LRCH3: variants seen among roughly 807,000 people sequenced by gnomAD.
The protein encoded by LRCH3 is leucine rich repeats and calponin homology domain containing 3.
In LRCH3, 68 loss-of-function variants were observed where a neutral mutation model predicts 104.5. The ratio of observed to expected loss-of-function variants is 0.65; its 90% confidence interval spans 0.54 to 0.80. LRCH3 has a LOEUF of 0.80. Ranked by LOEUF, LRCH3 falls within the 30% of genes least tolerant of loss-of-function variation. The probability of loss-of-function intolerance (pLI) is 0.00; values close to 1 mark genes in which losing one functional copy is unlikely to be tolerated. For missense variants in LRCH3, 951 were observed against 953.9 expected (o/e 1.00, Z 0.04); for synonymous variants, 344 against 361.3 (o/e 0.95, Z 0.54).
chr3:197,791,458 G>A lies in LRCH3; in HGVS notation c.180G>A (p.Gly60=), dbSNP rs561675482. The A allele has an allele frequency of 1.4e-4, 219 of 1,600,300 alleles. No individual in the cohort carries two copies. The highest frequency in any genetic ancestry group is 1.7e-4 in the Non-Finnish European group (199 of 1,174,756). ...CCCTGGAGGAGGCGGCGGTCACTGGGGTGCTGAGCCTGAGCGGCCGGAAAC... is the reference window on the plus strand; with the variant it reads ...CCCTGGAGGAGGCGGCGGTCACTGGAGTGCTGAGCCTGAGCGGCCGGAAAC... ...DRALEEAAVT[G]VLSLSGRKLR... is the part of the protein sequence containing the mutation. Residue 60 remains glycine, a synonymous_variant, in exon 1 of 21, where the codon GGG becomes GGA. Coordinates refer to ENST00000425562, the MANE Select transcript of LRCH3 (RefSeq NM_001365715.1).
In LRCH3 at chr3:197,885,863, T is replaced by C. The variant is rs1467860232; in HGVS notation, c.*2197T>C. The stretch of plus-strand genomic sequence containing the variant: ...TTGTTTCTGTAGTTGTTAACTGTTC[T>C]GGATTTTCTTTACAATGCATCCATT... On this transcript the variant is annotated 3_prime_UTR_variant, in exon 21 of 21. Coordinates refer to ENST00000425562, the MANE Select transcript of LRCH3 (RefSeq NM_001365715.1). 1 of 152,274 alleles carries C rather than the reference T, an allele frequency of 6.6e-6. No individual in the cohort carries two copies. The highest frequency in any genetic ancestry group is 6.5e-5 in the Admixed American group (1 of 15,290). The allele number at this position is 152,274 out of a possible 1,614,324, so 9.4% of individuals were successfully genotyped here.
rs190979071 is a variant in LRCH3, at chr3:197,860,482, A to G, written c.1716+1577A>G. ...TGTTGGTAGCCCGAGGGGGAATACA[A>G]TTGAGGCCAGGAACTCAAGACTGCA... On this transcript the variant is annotated intron_variant, in intron 15 of 20. Transcript: ENST00000425562. Among the ~76,000 whole-genome samples, 19 of 152,282 alleles carry G rather than the reference A, an allele frequency of 1.2e-4. No individual in the cohort carries two copies. The South Asian group carries it at 1.7e-3, about 13-fold the overall frequency.
chr3:197,806,614 C>A (rs1053931704), intron 1 of LRCH3, among the ~76,000 whole-genome samples: 1 of 151,790 alleles, frequency 6.6e-6, no homozygotes, highest in Non-Finnish European at 1.5e-5. Flanking sequence ...CATGGTGGCT[C>A]ACTCCTGTAA....
intron 13 of LRCH3, among the ~76,000 whole-genome samples, chr3:197,853,435 G>A (rs1014858999): frequency 6.6e-6 from 1 of 152,022 alleles, no homozygotes; most frequent in Admixed American, 6.6e-5. Context: ...TAATCCACCT[G>A]CCTCGGCCTC....
intron 4 of LRCH3, among the ~76,000 whole-genome samples, chr3:197,821,509 A>G (rs1215123646): frequency 6.6e-6 from 1 of 152,198 alleles, no homozygotes; most frequent in African/African-American, 2.4e-5. Flanking sequence ...TCTTGTCTCA[A>G]CTGTGCTCTC....
rs367558072 is a variant in LRCH3, at chr3:197,839,292, A to C, written c.1252-29A>C. ...CGCAGTGTTCTGGATTAATATACTA[A>C]ATTTATTTATTTCTGTCCTCTGGCC... On this transcript the variant is annotated intron_variant, in intron 9 of 20. Coordinates refer to ENST00000425562, the MANE Select transcript of LRCH3 (RefSeq NM_001365715.1). 3.2e-5 allele frequency: 48 copies of C among 1,494,176 alleles called. No homozygotes were observed. The African/African-American group carries it at 4.9e-4, about 15-fold the overall frequency. 92.6% of individuals were successfully genotyped at this position (1,494,176 alleles called of 1,614,324 possible).
intron 7 of LRCH3, among the ~76,000 whole-genome samples, chr3:197,831,642 T>G (rs1019117595): frequency 1.3e-5 from 2 of 152,148 alleles, no homozygotes; most frequent in Non-Finnish European, 2.9e-5. Flanking sequence ...TATGGAGTCA[T>G]GAATCTTTTA....
chr3:197,810,892 T>C lies in LRCH3; in HGVS notation c.263-4016T>C, dbSNP rs899254818. On this transcript the variant is annotated intron_variant, in intron 1 of 20. Transcript: ENST00000425562. This position sits in a 1 kb window ranked among gnomAD's most constrained non-coding sequence, Gnocchi z 4.0. ...GTCAGGTTAAAAAAAATAAGACTTT[T>C]GAATGAAAAGCATTAGAAAAACTAT... Among the ~76,000 whole-genome samples the C allele has an allele frequency of 2.7e-4, 41 of 152,218 alleles. No homozygotes were observed. The highest frequency in any genetic ancestry group is 9.9e-4 in the African/African-American group (41 of 41,456).
rs138642195 is a variant in LRCH3, at chr3:197,834,923, C to T, written c.1103-751C>T. Among the ~76,000 whole-genome samples the T allele has an allele frequency of 2.0e-3, 305 of 152,234 alleles. 1 individual carries two copies. The highest frequency in any genetic ancestry group is 5.5e-3 in the African/African-American group (229 of 41,554). On this transcript the variant is annotated intron_variant, in intron 8 of 20. Coordinates refer to ENST00000425562, the MANE Select transcript of LRCH3 (RefSeq NM_001365715.1). ...CTTTGGGTGGCCACAGTGGGCGGAT[C>T]GCTTGAGCCCAGGAGTTGGAGACCA...
chr3:197,870,725 T>C (rs948837712), intron 18 of LRCH3, among the ~76,000 whole-genome samples: 1 of 151,466 alleles, frequency 6.6e-6, no homozygotes, highest in Non-Finnish European at 1.5e-5. Flanking sequence ...CCGGCTGTAA[T>C]TTTTAACAGA....
At position 197,856,249 on chromosome 3, in the gene LRCH3, C is replaced by T. The variant is rs1337999199; in HGVS notation, c.1644+1804C>T. Among the ~76,000 whole-genome samples, 1 of 152,128 alleles carries T rather than the reference C, an allele frequency of 6.6e-6. No homozygotes were observed. The highest frequency in any genetic ancestry group is 2.4e-5 in the African/African-American group (1 of 41,428). On this transcript the variant is annotated intron_variant, in intron 14 of 20. Coordinates refer to ENST00000425562, the MANE Select transcript of LRCH3 (RefSeq NM_001365715.1). This position sits in a 1 kb window ranked among gnomAD's most constrained non-coding sequence, Gnocchi z 4.2. The stretch of plus-strand genomic sequence containing the variant: ...ACCCTTAAATCAGCCCACAGTTTGA[C>T]AGTTAAATAAACTGACAGGAGCTCC...
At chr3:197,879,428 C>CCT (rs1296245034) in intron 20 of LRCH3, among the ~76,000 whole-genome samples, 3 of 151,684 alleles carry the variant, frequency 2.0e-5, no homozygotes, top group Non-Finnish European at 2.9e-5. Context: ...GGGCGGATCA[C>CCT]GAGGTCAGGA....
In LRCH3 at chr3:197,877,966, A is replaced by T. The variant is rs191350436; in HGVS notation, c.2208+2191A>T. On this transcript the variant is annotated intron_variant, in intron 20 of 20. Coordinates refer to ENST00000425562, the MANE Select transcript of LRCH3 (RefSeq NM_001365715.1). The stretch of plus-strand genomic sequence containing the variant: ...TGAATATGGTTTCTGAAGAAATAAC[A>T]TACATTCTTTTAAACAAGTTTATTC... 5.1e-3 allele frequency among the ~76,000 whole-genome samples: 777 copies of T among 152,336 alleles called. 8 individuals are homozygous for T. The highest frequency in any genetic ancestry group is 7.5e-3 in the Admixed American group (115 of 15,294).
At chr3:197,839,446 G>C in intron 10 of LRCH3, 49 bp downstream of exon 10, 1 of 1,238,130 alleles carries the variant, frequency 8.1e-7, no homozygotes, top group African/African-American at 1.5e-5. Flanking sequence ...AATCATGAGA[G>C]CATAAAGTAA....
rs1737443762 is a variant in LRCH3 at position 197,839,357 on chromosome 3, C to G, written c.1288C>G (p.Gln430Glu). The part of the protein sequence containing the change: ...PVKPVAIREF[Q>E]KTEDMRRYLH... ...AAAGCCAGTAGCCATTAGGGAGTTTCAAAAAACAGAAGATATGAGAAGATA... is the reference window on the plus strand; with the variant it reads ...AAAGCCAGTAGCCATTAGGGAGTTTGAAAAAACAGAAGATATGAGAAGATA... Residue 430 changes from glutamine to glutamate, a missense_variant, in exon 10 of 21, where the codon CAA becomes GAA. By Grantham distance (29) the Gln-to-Glu change is conservative. Transcript: ENST00000425562. 2 of 1,591,788 alleles carry G rather than the reference C, an allele frequency of 1.3e-6. No individual in the cohort carries two copies. The highest frequency in any genetic ancestry group is 1.4e-5 in the African/African-American group (1 of 73,428).
intron 1 of LRCH3, among the ~76,000 whole-genome samples, chr3:197,808,694 T>A (rs528856975): frequency 3.9e-5 from 6 of 152,300 alleles, no homozygotes; most frequent in South Asian, 2.1e-4. Flanking sequence ...AGCAGATCAC[T>A]TGAGCCCAGG....
intron 10 of LRCH3, among the ~76,000 whole-genome samples, chr3:197,840,227 C>T (rs1737595017): frequency 6.6e-6 from 1 of 152,126 alleles, no homozygotes. Flanking sequence ...CATTTGAGGT[C>T]AGGAGTTCGA....
chr3:197,791,585 C>A, intron 1 of LRCH3, 45 bp downstream of exon 1: 1 of 1,486,632 alleles, frequency 6.7e-7, no homozygotes, highest in Non-Finnish European at 8.9e-7. Context: ...GACCCGGCGC[C>A]GGGAGCCGCC....
In LRCH3 at chr3:197,829,691, C is replaced by CTAA. The variant is rs1735671619; in HGVS notation, c.887+19_887+20insAAT. On this transcript the variant is annotated intron_variant, in intron 6 of 20. Transcript: ENST00000425562. ...GGCTCCTGGTAAGTATATTCTGTCC[C>CTAA]TTTATCTATCATATTTTTTGTACAG... 5.3e-6 allele frequency: 8 copies of CTAA among 1,496,540 alleles called. No individual in the cohort carries two copies. The highest frequency in any genetic ancestry group is 7.3e-6 in the Non-Finnish European group (8 of 1,094,470). 92.7% of individuals were successfully genotyped at this position (1,496,540 alleles called of 1,614,324 possible). A position where few individuals can be genotyped will look rare whatever the true frequency, so the allele number is the denominator to read the frequency against.
Sources: gnomAD v4.1 joint callset for allele counts (sites outside exome capture counted in the v4.1 genomes callset) on GRCh38, gnomAD v4.1.1 for gene constraint, Gnocchi (gnomAD v3.1) non-coding constraint, MANE v1.5 for transcripts, NCBI Gene and HGNC (gene_info 2026-07-23, HGNC 2026-07-21) for gene names.